The following AGPAT4 variants were observed in gnomAD, a reference collection of about 807,000 sequenced individuals.
AGPAT4 encodes 1-acylglycerol-3-phosphate O-acyltransferase 4.
A neutral mutation model predicts 48.0 loss-of-function variants in AGPAT4; 15 were observed. That is an observed-to-expected ratio of 0.31 (90% CI 0.21 to 0.48). AGPAT4 has a LOEUF of 0.48. Among genes scored for constraint, AGPAT4 ranks in the 20% least tolerant of loss-of-function variants. The pLI is 0.99. For missense variants in AGPAT4, 314 were observed against 482.5 expected, an observed-to-expected ratio of 0.65 and a Z score of 3.27; for synonymous variants, 178 against 198.7, an observed-to-expected ratio of 0.90 and a Z score of 0.88.
chr6:161,203,390 T>C (rs867621008), intron 2 of AGPAT4, among the ~76,000 whole-genome samples: 37,271 of 142,782 alleles, frequency 0.26, 5,688 homozygotes, highest in African/African-American at 0.4. Flanking sequence ...TCTTTTTTTT[T>C]TTTTTTTTTT....
In AGPAT4 at chr6:161,202,170, C is replaced by T. The variant is rs186101040; in HGVS notation, c.178+29866G>A. On this transcript the variant is annotated intron_variant, in intron 2 of 8. Transcript: ENST00000320285. This position sits in a 1 kb window ranked among gnomAD's most constrained non-coding sequence, Gnocchi z 5.4. ...CCAAAATAACAAAAACACTTATTAT[C>T]TCCGACAGTTTCTGAAGGTGGAGAA... Among the ~76,000 whole-genome samples, 3 of 152,242 alleles carry T rather than the reference C, an allele frequency of 2.0e-5. No homozygotes were observed. Among genetic ancestry groups the T allele is most frequent in the African/African-American group, 7.2e-5 (3 of 41,534 alleles).
chr6:161,136,607 C>CCAAT lies in AGPAT4; in HGVS notation c.1066_1069dup (p.Gly357AspfsTer7). The CCAAT allele has an allele frequency of 6.2e-7, 1 of 1,614,208 alleles. No individual in the cohort carries two copies. The highest frequency in any genetic ancestry group is 8.5e-7 in the Non-Finnish European group (1 of 1,180,036). On this transcript the variant is annotated frameshift_variant, in exon 9 of 9. Transcript: ENST00000320285. LOFTEE classifies it high-confidence loss of function. ...AGAGCCCTTGTCAATTTCCGTCACA[C>CCAAT]CAATCATCCATCGAACTCCCACGGA...
chr6:161,239,486 ATTTG>A (rs1477016531), intron 1 of AGPAT4, among the ~76,000 whole-genome samples: 2 of 152,210 alleles, frequency 1.3e-5, no homozygotes, highest in East Asian at 1.9e-4. Context: ...AAAGGTATTT[ATTTG>A]TTTGTTTTTA....
At position 161,156,378 on chromosome 6, in the gene AGPAT4, C is replaced by T. The variant is rs73015447; in HGVS notation, c.349-2068G>A. The stretch of plus-strand genomic sequence containing the variant: ...ACACAGGAGTGTTTTTTGACAGACA[C>T]GCTGTGGTCCACAAAACCTAAAATA... On this transcript the variant is annotated intron_variant, in intron 3 of 8. Transcript: ENST00000320285. Among the ~76,000 whole-genome samples, 21 of 152,230 alleles carry T rather than the reference C, an allele frequency of 1.4e-4. No homozygotes were observed. In the Middle Eastern group the frequency reaches 0.01, roughly 74 times the overall value.
intron 2 of AGPAT4, among the ~76,000 whole-genome samples, chr6:161,188,046 G>A (rs1176381149): frequency 3.3e-5 from 5 of 152,066 alleles, no homozygotes; most frequent in South Asian, 4.2e-4. Context: ...AGAGAAATAC[G>A]TATACATTAA....
chr6:161,176,456 C>T (rs969802274), intron 2 of AGPAT4, among the ~76,000 whole-genome samples: 3 of 152,176 alleles, frequency 2.0e-5, no homozygotes, highest in African/African-American at 7.2e-5. Flanking sequence ...CTAGGATTTG[C>T]AACCCCTGCT....
Position 161,238,524 on chromosome 6 carries a change from T to C in AGPAT4, c.-89-6222A>G, listed in dbSNP as rs1782376181. 1.3e-5 allele frequency among the ~76,000 whole-genome samples: 2 copies of C among 152,206 alleles called. No individual in the cohort carries two copies. The highest frequency in any genetic ancestry group is 4.8e-5 in the African/African-American group (2 of 41,464). ...GTGTTAAAGCATCCTCCCCCATATG[T>C]TTTCATTCTAACCTATACTTTTCTG... On this transcript the variant is annotated intron_variant, in intron 1 of 8. Coordinates refer to ENST00000320285, the MANE Select transcript of AGPAT4 (RefSeq NM_020133.3). This position sits in a 1 kb window ranked among gnomAD's most constrained non-coding sequence, Gnocchi z 5.2.
chr6:161,273,690 C>G (rs1254178244), intron 1 of AGPAT4, among the ~76,000 whole-genome samples: 1 of 151,904 alleles, frequency 6.6e-6, no homozygotes, highest in African/African-American at 2.4e-5. Flanking sequence ...CAGAAAGGGA[C>G]GCTCACCCGG....
In AGPAT4 at chr6:161,238,668, G is replaced by A. The variant is rs1782381371; in HGVS notation, c.-89-6366C>T. 6.6e-6 allele frequency among the ~76,000 whole-genome samples: 1 copy of A among 152,190 alleles called. No homozygotes were observed. Among genetic ancestry groups the A allele is most frequent in the Admixed American group, 6.5e-5 (1 of 15,278 alleles). On this transcript the variant is annotated intron_variant, in intron 1 of 8. Transcript: ENST00000320285. The surrounding 1 kb of genome is among the most constrained non-coding windows in gnomAD (Gnocchi z 5.2). ...AGATGAGGTGATAGGGTTTGGCTGT[G>A]TCTCCACCCAAATCTTACCTTGAAT...
At chr6:161,181,503 C>CGGGG (rs776492737) in intron 2 of AGPAT4, among the ~76,000 whole-genome samples, 13 of 126,120 alleles carry the variant, frequency 1.0e-4, no homozygotes, top group African/African-American at 2.1e-4. Context: ...GTGGGGGTAG[C>CGGGG]AGGGGGCGGG....
In AGPAT4 at chr6:161,171,286, A is replaced by T. The variant is rs1447207817; in HGVS notation, c.179-4869T>A. Among the ~76,000 whole-genome samples, 11 of 152,240 alleles carry T rather than the reference A, an allele frequency of 7.2e-5. No individual in the cohort carries two copies. The highest frequency in any genetic ancestry group is 5.2e-4 in the Admixed American group (8 of 15,290). ...GTCCATTTTATGCTGCTGTAACAGA[A>T]TAGTTGAGACTGGGCAATTTACAAA... On this transcript the variant is annotated intron_variant, in intron 2 of 8. Coordinates refer to ENST00000320285, the MANE Select transcript of AGPAT4 (RefSeq NM_020133.3). This position sits in a 1 kb window ranked among gnomAD's most constrained non-coding sequence, Gnocchi z 4.4.
In AGPAT4 at chr6:161,161,868, G is replaced by T. The variant is rs1436801429; in HGVS notation, c.348+4380C>A. On this transcript the variant is annotated intron_variant, in intron 3 of 8. Transcript: ENST00000320285. This position sits in a 1 kb window ranked among gnomAD's most constrained non-coding sequence, Gnocchi z 4.6. ...AGAGGCAGCACAGGGCTTTATGGGC[G>T]CCCTCACGCACAGGCACTCTGCCTA... The T allele has an allele frequency of 4.0e-6, 1 of 252,382 alleles. No homozygotes were observed. The highest frequency in any genetic ancestry group is 2.2e-5 in the African/African-American group (1 of 45,562). The allele number at this position is 252,382 out of a possible 1,614,324, so 15.6% of individuals were successfully genotyped here. A position where few individuals can be genotyped will look rare whatever the true frequency, so the allele number is the denominator to read the frequency against.
intron 2 of AGPAT4, among the ~76,000 whole-genome samples, chr6:161,172,009 C>T (rs1780279867): frequency 6.6e-6 from 1 of 152,190 alleles, no homozygotes; most frequent in African/African-American, 2.4e-5. Context: ...TCTAGGCATC[C>T]AAACTAACAC....
rs1224221251 is a variant in AGPAT4 at position 161,258,218 on chromosome 6, C to T, written c.-90+15720G>A. ...TGGCAGTTCAGAGATGAAAACTCTA[C>T]GTCCATTGTCTTCCCTAAAAAGTGA... is the stretch of plus-strand genomic sequence containing the variant. On this transcript the variant is annotated intron_variant, in intron 1 of 8. Coordinates refer to ENST00000320285, the MANE Select transcript of AGPAT4 (RefSeq NM_020133.3). Among the ~76,000 whole-genome samples the T allele has an allele frequency of 3.3e-5, 5 of 152,164 alleles. No homozygotes were observed. In the South Asian group the frequency reaches 6.2e-4, roughly 19 times the overall value.
chr6:161,173,274 T>G (rs1780331771), intron 2 of AGPAT4, among the ~76,000 whole-genome samples: 1 of 152,222 alleles, frequency 6.6e-6, no homozygotes, highest in African/African-American at 2.4e-5. Context: ...TGTAAAAGTG[T>G]TCCTATTTCT....
chr6:161,256,097 C>T lies in AGPAT4; in HGVS notation c.-90+17841G>A, dbSNP rs555322819. On this transcript the variant is annotated intron_variant, in intron 1 of 8. Transcript: ENST00000320285. ...ACCCAGGCAGAGCAAGGTGTCCAGG[C>T]GAGGCCGGTTGGCAGGATGTTACTG... Among the ~76,000 whole-genome samples, 65 of 152,210 alleles carry T rather than the reference C, an allele frequency of 4.3e-4. 1 individual carries two copies. In the South Asian group the frequency reaches 0.012, roughly 29 times the overall value.
Position 161,231,905 on chromosome 6 carries a change from A to T in AGPAT4, c.178+131T>A. 2 of 910,854 alleles carry T rather than the reference A, an allele frequency of 2.2e-6. No individual in the cohort carries two copies. The highest frequency in any genetic ancestry group is 3.1e-6 in the Non-Finnish European group (2 of 638,316). The allele number at this position is 910,854 out of a possible 1,614,324, so 56.4% of individuals were successfully genotyped here. On this transcript the variant is annotated intron_variant, in intron 2 of 8. Transcript: ENST00000320285. This position sits in a 1 kb window ranked among gnomAD's most constrained non-coding sequence, Gnocchi z 5.3. ...ATTGAGAACAAAATAGCCATTTCAA[A>T]CCTAAAACAAAAACAAAACAAAAAA...
In AGPAT4 at chr6:161,204,541, T is replaced by C. The variant is rs1781326894; in HGVS notation, c.178+27495A>G. 6.6e-6 allele frequency among the ~76,000 whole-genome samples: 1 copy of C among 152,148 alleles called. No individual in the cohort carries two copies. ...ATATTTATCCTTCAGCTGAAGACAATTATCTAGAAACAGCACTGGATTCTT... is the reference window on the plus strand; with the variant it reads ...ATATTTATCCTTCAGCTGAAGACAACTATCTAGAAACAGCACTGGATTCTT... On this transcript the variant is annotated intron_variant, in intron 2 of 8. Coordinates refer to ENST00000320285, the MANE Select transcript of AGPAT4 (RefSeq NM_020133.3). The surrounding 1 kb of genome is among the most constrained non-coding windows in gnomAD (Gnocchi z 4.4).
At chr6:161,151,052 G>C (rs3778221) in intron 5 of AGPAT4, among the ~76,000 whole-genome samples, 6,863 of 152,236 alleles carry the variant, frequency 0.045, 218 homozygotes, top group Middle Eastern at 0.11. Flanking sequence ...TCATTTTCCA[G>C]AGGAAAACCT....
Sources: gnomAD v4.1 joint callset for allele counts (sites outside exome capture counted in the v4.1 genomes callset) on GRCh38, gnomAD v4.1.1 for gene constraint, Gnocchi (gnomAD v3.1) non-coding constraint, MANE v1.5 for transcripts, NCBI Gene and HGNC (gene_info 2026-07-23, HGNC 2026-07-21) for gene names.